Variants in NAALADL2 observed in about 807,000 individuals in gnomAD.
NAALADL2 encodes the protein N-acetylated alpha-linked acidic dipeptidase like 2, also known as inactive N-acetylated-alpha-linked acidic dipeptidase-like protein 2.
In NAALADL2, 76 loss-of-function variants were observed where a neutral mutation model predicts 87.2. The observed-to-expected ratio is 0.87, with a 90% CI of 0.72 to 1.05. The LOEUF (loss-of-function observed/expected upper bound fraction) is 1.05. NAALADL2 is among the 50% of genes least tolerant of loss of function. The probability of loss-of-function intolerance (pLI) is 0.00; values close to 1 mark genes in which losing one functional copy is unlikely to be tolerated. For missense variants in NAALADL2, 1,089 were observed against 945.8 expected (o/e 1.15, Z -1.99); for synonymous variants, 354 against 331.0 (o/e 1.07, Z -0.75).
At chr3:175,260,241 C>A (rs1329981554) in intron 4 of NAALADL2, among the ~76,000 whole-genome samples, 1 of 152,018 alleles carries the variant, frequency 6.6e-6, no homozygotes, top group Non-Finnish European at 1.5e-5. Context: ...GATAATTTTC[C>A]TTCTAGGCCT....
In NAALADL2 at chr3:175,803,820, A is replaced by C. The variant is rs1239301712; in HGVS notation, c.*617A>C. ...ATGAAAAAAGAGCCATAAGCATTCCAGGAGAAAATCTCAAGGGAGCTACAT... is the reference window on the plus strand; with the variant it reads ...ATGAAAAAAGAGCCATAAGCATTCCCGGAGAAAATCTCAAGGGAGCTACAT... On this transcript the variant is annotated 3_prime_UTR_variant, in exon 14 of 14. Transcript: ENST00000454872. 3 of 152,406 alleles carry C rather than the reference A, an allele frequency of 2.0e-5. 1 individual carries two copies. The Admixed American group carries it at 2.0e-4, about 10-fold the overall frequency. The allele number at this position is 152,406 out of a possible 1,614,324, so 9.4% of individuals were successfully genotyped here.
chr3:174,934,232 A>C (rs1253688065), intron 1 of NAALADL2, among the ~76,000 whole-genome samples: 1 of 152,194 alleles, frequency 6.6e-6, no homozygotes, highest in East Asian at 1.9e-4. Context: ...TTTACTGTCC[A>C]ACAGAATTTC....
intron 1 of NAALADL2, among the ~76,000 whole-genome samples, chr3:174,517,746 G>A (rs1252070089): frequency 6.6e-6 from 1 of 151,956 alleles, no homozygotes; most frequent in Non-Finnish European, 1.5e-5. Flanking sequence ...GATGATACAA[G>A]GAATTATTCT....
At chr3:174,899,972 T>C (rs1732110113) in intron 1 of NAALADL2, among the ~76,000 whole-genome samples, 1 of 151,930 alleles carries the variant, frequency 6.6e-6, no homozygotes, top group African/African-American at 2.4e-5. Flanking sequence ...AAATAAAAAT[T>C]TAAAAAACTC....
chr3:174,837,493 G>T (rs1353131111), intron 3 of NAALADL2, among the ~76,000 whole-genome samples: 1 of 152,080 alleles, frequency 6.6e-6, no homozygotes, highest in Admixed American at 6.6e-5. Context: ...AGATTGAAAT[G>T]GTAATAAAAA....
At chr3:175,048,530 T>G (rs1580184443) in intron 1 of NAALADL2, among the ~76,000 whole-genome samples, 2 of 148,952 alleles carry the variant, frequency 1.3e-5, no homozygotes, top group East Asian at 2.0e-4. Flanking sequence ...TTTTTTGTGG[T>G]GAAGTCAAAG....
At chr3:175,368,881 C>A (rs140590498) in intron 5 of NAALADL2, among the ~76,000 whole-genome samples, 1 of 151,862 alleles carries the variant, frequency 6.6e-6, no homozygotes, top group Admixed American at 6.6e-5. Context: ...AGAAAAGGTA[C>A]AGCGAAATAT....
At chr3:175,501,051 G>A (rs559622665) in intron 9 of NAALADL2, among the ~76,000 whole-genome samples, 11 of 152,114 alleles carry the variant, frequency 7.2e-5, no homozygotes, top group African/African-American at 2.4e-4. Flanking sequence ...GACAGATGAA[G>A]TTTTGAGTTA....
At position 174,973,700 on chromosome 3, in the gene NAALADL2, C is replaced by T. The variant is rs752398167; in HGVS notation, c.43+114250C>T. On this transcript the variant is annotated intron_variant, in intron 1 of 13. Coordinates refer to ENST00000454872, the MANE Select transcript of NAALADL2 (RefSeq NM_207015.3). ...TAGCCTACTACATACCTAAGGTATG[C>T]GGTATAGCCTGTTCCTCCTGTGGTA... 3.9e-5 allele frequency among the ~76,000 whole-genome samples: 6 copies of T among 152,282 alleles called. No homozygotes were observed. The South Asian group carries it at 6.2e-4, about 16-fold the overall frequency.
intron 3 of NAALADL2, among the ~76,000 whole-genome samples, chr3:174,831,560 T>A (rs1722690835): frequency 6.6e-6 from 1 of 150,454 alleles, no homozygotes; most frequent in Non-Finnish European, 1.5e-5. Context: ...GATATTGGTC[T>A]AAAATTCTCT....
intron 2 of NAALADL2, among the ~76,000 whole-genome samples, chr3:174,562,840 T>A (rs1031254413): frequency 6.6e-6 from 1 of 152,070 alleles, no homozygotes; most frequent in African/African-American, 2.4e-5. Context: ...ATATGGAAGT[T>A]GTTTTATTGT....
At chr3:175,801,100 G>A (rs777113242) in intron 13 of NAALADL2, among the ~76,000 whole-genome samples, 1 of 152,076 alleles carries the variant, frequency 6.6e-6, no homozygotes, top group Non-Finnish European at 1.5e-5. Context: ...TGGTGCTAGA[G>A]AAAAGTATAA....
intron 3 of NAALADL2, chr3:175,235,800 T>C (rs1216696343): frequency 1.3e-5 from 2 of 152,226 alleles, no homozygotes; most frequent in African/African-American, 4.8e-5. Flanking sequence ...CTGGTGAACA[T>C]TGATTATTCC....
intron 2 of NAALADL2, among the ~76,000 whole-genome samples, chr3:175,105,738 A>T (rs1723029335): frequency 7.4e-6 from 1 of 134,792 alleles, no homozygotes; most frequent in Non-Finnish European, 1.6e-5. Flanking sequence ...GTACTAAAAA[A>T]GTTGATTTTG....
chr3:174,681,719 C>T (rs1020715287), intron 2 of NAALADL2, among the ~76,000 whole-genome samples: 1 of 152,150 alleles, frequency 6.6e-6, no homozygotes, highest in Non-Finnish European at 1.5e-5. Context: ...ACAACTTTTC[C>T]AGTGTTGGTG....
intron 1 of NAALADL2, among the ~76,000 whole-genome samples, chr3:174,936,453 T>G (rs560119613): frequency 9.2e-5 from 14 of 152,236 alleles, no homozygotes; most frequent in Admixed American, 6.5e-4. Context: ...AGTTAATTTT[T>G]GAAGCAGATA....
intron 1 of NAALADL2, among the ~76,000 whole-genome samples, chr3:174,905,846 G>T (rs1732891508): frequency 6.6e-6 from 1 of 151,808 alleles, no homozygotes; most frequent in Non-Finnish European, 1.5e-5. Context: ...AATTATCTGG[G>T]GTTTTATTAT....
intron 5 of NAALADL2, among the ~76,000 whole-genome samples, chr3:175,410,086 G>A (rs900009553): frequency 1.3e-5 from 2 of 152,042 alleles, no homozygotes; most frequent in Admixed American, 1.3e-4. Flanking sequence ...ATCTCATTTT[G>A]TATATCAGGA....
intron 1 of NAALADL2, among the ~76,000 whole-genome samples, chr3:174,891,192 T>C (rs1357027589): frequency 2.0e-5 from 3 of 152,132 alleles, no homozygotes; most frequent in Non-Finnish European, 4.4e-5. Context: ...TTAGTAACCA[T>C]TCTTAATAAA....
Sources: gnomAD v4.1 joint callset for allele counts (sites outside exome capture counted in the v4.1 genomes callset) on GRCh38, gnomAD v4.1.1 for gene constraint, MANE v1.5 for transcripts, NCBI Gene and HGNC (gene_info 2026-07-23, HGNC 2026-07-21) for gene names.